The following CALN1 variants were observed in gnomAD, a reference collection of about 807,000 sequenced individuals.
CALN1 encodes calcium-binding protein 8.
CALN1 carries 17 observed loss-of-function variants against 30.6 expected under a neutral mutation model. The observed-to-expected ratio is 0.56, with a 90% CI of 0.38 to 0.83. The LOEUF (loss-of-function observed/expected upper bound fraction) is 0.83, where lower values mean the gene tolerates loss of function less well. Ranked by LOEUF, CALN1 falls within the 40% of genes least tolerant of loss-of-function variation. The pLI, the probability that CALN1 is intolerant of heterozygous loss-of-function variation, is 0.00. For synonymous variants in CALN1, 156 were observed against 131.4 expected (o/e 1.19, Z -1.28); for missense variants, 291 against 354.9 (o/e 0.82, Z 1.45).
Position 72,348,357 on chromosome 7 carries a change from G to GT in CALN1, c.119+54893_119+54894insA, listed in dbSNP as rs546726336. ...GAGATCGTTTCTGTATCGCTGCAGA[G>GT]GAAAAGGAAGCCAAACAGAACACAG... On this transcript the variant is annotated intron_variant, in intron 2 of 6. Transcript: ENST00000395275. Among the ~76,000 whole-genome samples the GT allele has an allele frequency of 4.3e-4, 66 of 152,298 alleles. 1 individual carries two copies. The highest frequency in any genetic ancestry group is 1.5e-3 in the African/African-American group (63 of 41,564).
intron 5 of CALN1, among the ~76,000 whole-genome samples, chr7:71,933,335 A>C (rs1795659868): frequency 6.6e-6 from 1 of 152,120 alleles, no homozygotes; most frequent in Non-Finnish European, 1.5e-5. Context: ...CTACATAAAG[A>C]AGACACTGCC....
chr7:72,375,856 C>A (rs1804526895), intron 2 of CALN1, among the ~76,000 whole-genome samples: 1 of 152,040 alleles, frequency 6.6e-6, no homozygotes, highest in African/African-American at 2.4e-5. Context: ...ATAACTATTA[C>A]AACTATCTGA....
intron 2 of CALN1, among the ~76,000 whole-genome samples, chr7:72,357,326 G>A (rs1486773311): frequency 6.6e-6 from 1 of 151,978 alleles, no homozygotes; most frequent in African/African-American, 2.4e-5. Context: ...AATGAGAAAG[G>A]TTCCTCCTGC....
chr7:71,815,236 C>T (rs1788191457), intron 5 of CALN1, among the ~76,000 whole-genome samples: 1 of 152,126 alleles, frequency 6.6e-6, no homozygotes, highest in Non-Finnish European at 1.5e-5. Flanking sequence ...GGATTTTTGA[C>T]TGCACGTGGG....
chr7:71,852,200 G>C (rs1330271156), intron 5 of CALN1, among the ~76,000 whole-genome samples: 1 of 152,174 alleles, frequency 6.6e-6, no homozygotes, highest in Non-Finnish European at 1.5e-5. Context: ...ACATTTGGTT[G>C]TGTCTAGTTT....
Position 72,381,279 on chromosome 7 carries a change from G to A in CALN1, c.119+21972C>T, listed in dbSNP as rs139264778. Among the ~76,000 whole-genome samples the A allele has an allele frequency of 4.1e-3, 619 of 152,258 alleles. 3 individuals are homozygous for A. Among genetic ancestry groups the A allele is most frequent in the African/African-American group, 0.014 (592 of 41,548 alleles). ...CAACCATTATGGAAGACAGTGTGGCGATTCCTCAAGGATCGAGAACCAGAA... is the reference window on the plus strand; with the variant it reads ...CAACCATTATGGAAGACAGTGTGGCAATTCCTCAAGGATCGAGAACCAGAA... On this transcript the variant is annotated intron_variant, in intron 2 of 6. Coordinates refer to ENST00000395275, the MANE Select transcript of CALN1 (RefSeq NM_031468.4).
At chr7:72,446,182 C>G (rs1808521036) in intron 1 of CALN1, among the ~76,000 whole-genome samples, 1 of 152,136 alleles carries the variant, frequency 6.6e-6, no homozygotes, top group South Asian at 2.1e-4. Context: ...GGAAATCTTT[C>G]CTTTGGGTAT....
At chr7:71,809,330 C>T (rs1032703867) in intron 6 of CALN1, among the ~76,000 whole-genome samples, 1 of 151,774 alleles carries the variant, frequency 6.6e-6, no homozygotes, top group Non-Finnish European at 1.5e-5. Flanking sequence ...CAGCTCAGCT[C>T]CAAGCACACT....
intron 5 of CALN1, among the ~76,000 whole-genome samples, chr7:71,871,610 C>G (rs1220658396): frequency 6.6e-6 from 1 of 152,100 alleles, no homozygotes; most frequent in Non-Finnish European, 1.5e-5. Flanking sequence ...CCTTGCTGTT[C>G]CTGGACTGCC....
intron 3 of CALN1, among the ~76,000 whole-genome samples, chr7:72,230,925 G>A (rs1309759058): frequency 6.6e-6 from 1 of 152,086 alleles, no homozygotes; most frequent in Non-Finnish European, 1.5e-5. Context: ...GAAAATTCCA[G>A]AAATAAAAAA....
At chr7:72,088,090 C>G (rs1008833733) in intron 4 of CALN1, among the ~76,000 whole-genome samples, 1 of 152,102 alleles carries the variant, frequency 6.6e-6, no homozygotes, top group Admixed American at 6.6e-5. Context: ...ATCGCTTGAG[C>G]CCAGGAGTTT....
chr7:71,939,429 C>T (rs1276784971), intron 5 of CALN1, among the ~76,000 whole-genome samples: 1 of 148,892 alleles, frequency 6.7e-6, no homozygotes, highest in East Asian at 2.0e-4. Context: ...AAAAGTTGGC[C>T]AGGCATGGTG....
chr7:72,083,338 A>T (rs182784758), intron 4 of CALN1, among the ~76,000 whole-genome samples: 4 of 152,340 alleles, frequency 2.6e-5, no homozygotes, highest in Non-Finnish European at 2.9e-5. Context: ...ATGGTGAAAT[A>T]CAAAATGTGA....
intron 5 of CALN1, among the ~76,000 whole-genome samples, chr7:71,914,324 G>A (rs11972725): frequency 0.047 from 7,157 of 152,108 alleles, 517 homozygotes; most frequent in African/African-American, 0.16. Flanking sequence ...CTGTTCCTGC[G>A]TTAGTTTGCT....
intron 5 of CALN1, among the ~76,000 whole-genome samples, chr7:71,914,239 G>A (rs2867559): frequency 0.15 from 23,113 of 152,076 alleles, 1,994 homozygotes; most frequent in Non-Finnish European, 0.19. Flanking sequence ...AGTGTGTATT[G>A]TTCTCCACTG....
At chr7:71,802,308 G>A (rs1787357036) in intron 6 of CALN1, among the ~76,000 whole-genome samples, 1 of 152,210 alleles carries the variant, frequency 6.6e-6, no homozygotes, top group Non-Finnish European at 1.5e-5. Context: ...GTGTCATTGA[G>A]CTTATGATCT....
At position 71,896,526 on chromosome 7, in the gene CALN1, C is replaced by T. The variant is rs117800268; in HGVS notation, c.502-86034G>A. On this transcript the variant is annotated intron_variant, in intron 5 of 6. Transcript: ENST00000395275. ...CGAAAGAACAAAAAACAATAAACAC[C>T]GAAATTAGATGAGAATCTTATGGGA... Among the ~76,000 whole-genome samples, 158 of 152,240 alleles carry T rather than the reference C, an allele frequency of 1.0e-3. 4 individuals are homozygous for T. In the East Asian group the frequency reaches 0.027, roughly 26 times the overall value.
intron 5 of CALN1, among the ~76,000 whole-genome samples, chr7:71,810,718 T>C (rs575275115): frequency 2.0e-4 from 31 of 152,218 alleles, no homozygotes; most frequent in African/African-American, 7.0e-4. Flanking sequence ...CTTTAGCTTC[T>C]TGGAGAAAAA....
chr7:72,298,225 C>G (rs952941222), intron 2 of CALN1, among the ~76,000 whole-genome samples: 5 of 151,684 alleles, frequency 3.3e-5, no homozygotes, highest in Admixed American at 2.0e-4. Context: ...CTGTTTATGA[C>G]AGAAAGCGTG....
Sources: gnomAD v4.1 joint callset for allele counts (sites outside exome capture counted in the v4.1 genomes callset) on GRCh38, gnomAD v4.1.1 for gene constraint, MANE v1.5 for transcripts, NCBI Gene and HGNC (gene_info 2026-07-23, HGNC 2026-07-21) for gene names.